Variants in S1PR3 observed in about 807,000 individuals in gnomAD.
The protein encoded by S1PR3 is sphingosine-1-phosphate receptor 3.
In S1PR3, 12 loss-of-function variants were observed where a neutral mutation model predicts 13.3. The ratio of observed to expected loss-of-function variants is 0.90; its 90% CI spans 0.58 to 1.46. The LOEUF (loss-of-function observed/expected upper bound fraction) is 1.46. S1PR3 is among the 40% of genes most tolerant of loss of function. The pLI, the probability that S1PR3 is intolerant of heterozygous loss-of-function variation, is 0.00. For synonymous variants in S1PR3, 232 were observed against 214.0 expected, an observed-to-expected ratio of 1.08 and a Z score of -0.73; for missense variants, 450 against 501.9, an observed-to-expected ratio of 0.90 and a Z score of 0.99.
intron 1 of S1PR3, chr9:88,995,167 T>C (rs1284894661): frequency 6.0e-6 from 1 of 167,082 alleles, no homozygotes; most frequent in Non-Finnish European, 1.5e-5. Context: ...GATGAACTAG[T>C]TAATTTCCCT....
intron 1 of S1PR3, chr9:88,992,233 G>C: frequency 1.7e-6 from 1 of 581,670 alleles, no homozygotes; most frequent in Non-Finnish European, 3.0e-6. Flanking sequence ...ATAACAGCTA[G>C]AGAAGGGGCT....
rs974333663 is a variant in S1PR3, at chr9:89,004,142, T to C, written c.*1805T>C. On this transcript the variant is annotated 3_prime_UTR_variant, in exon 2 of 2. Transcript: ENST00000358157. ...GGCTGGGCGCAGTGGCTCACACCTG[T>C]AATCCCAGCACTTTGGGAGGCTGAG... 1 of 157,272 alleles carries C rather than the reference T, an allele frequency of 6.4e-6. No individual in the cohort carries two copies. The highest frequency in any genetic ancestry group is 1.5e-5 in the Non-Finnish European group (1 of 68,062). The allele number at this position is 157,272 out of a possible 1,614,324, so 9.7% of individuals were successfully genotyped here.
intron 1 of S1PR3, chr9:88,992,295 T>TCTCTTC (rs1825731567): frequency 2.3e-6 from 1 of 433,546 alleles, no homozygotes; most frequent in Non-Finnish European, 4.1e-6. Context: ...TCTCTCTCTC[T>TCTCTTC]CTCTTCCTCT....
Position 89,002,459 on chromosome 9 carries a change from G to C in S1PR3, c.*122G>C. 1 of 1,193,794 alleles carries C rather than the reference G, an allele frequency of 8.4e-7. No homozygotes were observed. Among genetic ancestry groups the C allele is most frequent in the Non-Finnish European group, 1.2e-6 (1 of 850,610 alleles). The allele number at this position is 1,193,794 out of a possible 1,614,324, so 74.0% of individuals were successfully genotyped here. A position where few individuals can be genotyped will look rare whatever the true frequency, so the allele number is the denominator to read the frequency against. On this transcript the variant is annotated 3_prime_UTR_variant, in exon 2 of 2. Transcript: ENST00000358157. Reference sequence around the variant, plus strand: ...CTTACTTTGACCAACAGCCTGCCCAGTGTGGATGTCTCTTACAGAGGGGGC... The same window carrying C: ...CTTACTTTGACCAACAGCCTGCCCACTGTGGATGTCTCTTACAGAGGGGGC...
intron 1 of S1PR3, chr9:88,993,908 G>A: frequency 6.5e-6 from 1 of 153,934 alleles, no homozygotes. Flanking sequence ...ACTGGGGTCA[G>A]CTCACACAGC....
rs759550808 is a variant in S1PR3 at position 89,002,869 on chromosome 9, T to C, written c.*532T>C. On this transcript the variant is annotated 3_prime_UTR_variant, in exon 2 of 2. Transcript: ENST00000358157. ...AGACTGAACCCCCAGTACAAGGACA[T>C]TGTTTTGAACTAGGTGGACATGCCA... is the stretch of plus-strand genomic sequence containing the variant. 1 of 175,640 alleles carries C rather than the reference T, an allele frequency of 5.7e-6. No individual in the cohort carries two copies. Among genetic ancestry groups the C allele is most frequent in the Non-Finnish European group, 1.4e-5 (1 of 72,384 alleles). 10.9% of individuals were successfully genotyped at this position (175,640 alleles called of 1,614,324 possible). A position where few individuals can be genotyped will look rare whatever the true frequency, so the allele number is the denominator to read the frequency against.
chr9:88,991,299 C>A (rs1825694571), upstream of S1PR3: 19 of 1,490,902 alleles, frequency 1.3e-5, no homozygotes, highest in South Asian at 1.8e-4. This position sits in a 1 kb window ranked among gnomAD's most constrained non-coding sequence, Gnocchi z 4.0. Context: ...GGAGACCAGG[C>A]GGCTTGAGCG....
At position 89,002,666 on chromosome 9, in the gene S1PR3, C is replaced by G. The variant is rs1352922112; in HGVS notation, c.*329C>G. The G allele has an allele frequency of 1.9e-5, 7 of 370,270 alleles. No homozygotes were observed. In the South Asian group the frequency reaches 3.5e-4, roughly 19 times the overall value. The allele number at this position is 370,270 out of a possible 1,614,324, so 22.9% of individuals were successfully genotyped here. A position where few individuals can be genotyped will look rare whatever the true frequency, so the allele number is the denominator to read the frequency against. ...CCACACAATGCTGTGTGACCCTCTC[C>G]GTGTGCCTCTGAATGGTGTTTTGAT... On this transcript the variant is annotated 3_prime_UTR_variant, in exon 2 of 2. Coordinates refer to ENST00000358157, the MANE Select transcript of S1PR3 (RefSeq NM_005226.4).
chr9:89,003,892 A>G lies in S1PR3; in HGVS notation c.*1555A>G, dbSNP rs573091899. On this transcript the variant is annotated 3_prime_UTR_variant, in exon 2 of 2. Transcript: ENST00000358157. ...TTTGCTCTTATAAAGAGACATTTTC[A>G]TAGGTTCAGAGTAACTCACCTCCAT... 2 of 167,130 alleles carry G rather than the reference A, an allele frequency of 1.2e-5. No homozygotes were observed. The highest frequency in any genetic ancestry group is 1.3e-4 in the Admixed American group (2 of 15,306). The allele number at this position is 167,130 out of a possible 1,614,324, so 10.4% of individuals were successfully genotyped here. A position where few individuals can be genotyped will look rare whatever the true frequency, so the allele number is the denominator to read the frequency against.
chr9:88,991,148 C>G (rs946942025), upstream of S1PR3: 9 of 1,610,302 alleles, frequency 5.6e-6, no homozygotes, highest in Non-Finnish European at 6.8e-6. The surrounding 1 kb of genome is among the most constrained non-coding windows in gnomAD (Gnocchi z 4.0). Flanking sequence ...TCTGGGCGCC[C>G]GGTTTCTGCA....
intron 1 of S1PR3, chr9:88,997,510 C>T (rs550250959): frequency 1.3e-5 from 2 of 152,352 alleles, no homozygotes; most frequent in East Asian, 3.9e-4. Flanking sequence ...GAAACTGAGG[C>T]ACAGGAGGCA....
chr9:88,992,713 C>T (rs1825737928), intron 1 of S1PR3: 1 of 152,340 alleles, frequency 6.6e-6, no homozygotes, highest in African/African-American at 2.4e-5. Context: ...AGATACATGA[C>T]TAACAAGGAT....
intron 1 of S1PR3, 121 bp from the exon 2 acceptor site, chr9:89,000,933 G>A: frequency 2.0e-6 from 1 of 506,092 alleles, no homozygotes; most frequent in Non-Finnish European, 3.6e-6. Flanking sequence ...TCTGCAGCCT[G>A]ACGTGGCTAG....
intron 1 of S1PR3, chr9:88,997,219 AAT>A (rs1334592108): frequency 6.6e-6 from 1 of 152,212 alleles, no homozygotes; most frequent in Non-Finnish European, 1.5e-5. Flanking sequence ...TTAATGGGAA[AAT>A]ATGTTTGCCC....
Position 89,003,161 on chromosome 9 carries a change from A to C in S1PR3, c.*824A>C, listed in dbSNP as rs996646436. The C allele has an allele frequency of 1.2e-5, 2 of 167,232 alleles. No homozygotes were observed. Among genetic ancestry groups the C allele is most frequent in the East Asian group, 3.9e-4 (2 of 5,194 alleles). The allele number at this position is 167,232 out of a possible 1,614,324, so 10.4% of individuals were successfully genotyped here. A position where few individuals can be genotyped will look rare whatever the true frequency, so the allele number is the denominator to read the frequency against. On this transcript the variant is annotated 3_prime_UTR_variant, in exon 2 of 2. Transcript: ENST00000358157. ...TTGTGCCCCCAGATGGGCCAAAGAAAGAGCCTATGAAGGAGAAGCAGAAGC... is the reference window on the plus strand; with the variant it reads ...TTGTGCCCCCAGATGGGCCAAAGAACGAGCCTATGAAGGAGAAGCAGAAGC...
At chr9:88,994,023 G>C (rs979724250) in intron 1 of S1PR3, 1 of 167,074 alleles carries the variant, frequency 6.0e-6, no homozygotes, top group African/African-American at 2.4e-5. Context: ...AGTGCCCCCA[G>C]AATGACATGC....
At chr9:88,996,534 T>A (rs977720399) in intron 1 of S1PR3, 12 of 152,158 alleles carry the variant, frequency 7.9e-5, no homozygotes, top group African/African-American at 2.9e-4. Flanking sequence ...ATGGACACAA[T>A]TGTATCCTGT....
Position 89,001,144 on chromosome 9 carries a change from T to C in S1PR3, c.-57T>C, listed in dbSNP as rs1825861088. 2 of 1,574,170 alleles carry C rather than the reference T, an allele frequency of 1.3e-6. No homozygotes were observed. Among genetic ancestry groups the C allele is most frequent in the Non-Finnish European group, 1.7e-6 (2 of 1,156,576 alleles). On this transcript the variant is annotated 5_prime_UTR_variant, in exon 2 of 2. The change abolishes an upstream ATG in the 5' untranslated region. Transcript: ENST00000358157. ...CAGCCCCGCTTCCCTTTGAAATGAA[T>C]GTTCCTGGGGCGCCCTCTCGTGGAT...
Position 89,001,764 on chromosome 9 carries a change from C to T in S1PR3, c.564C>T (p.Ile188=). 1 of 1,614,246 alleles carries T rather than the reference C, an allele frequency of 6.2e-7. No homozygotes were observed. The highest frequency in any genetic ancestry group is 8.5e-7 in the Non-Finnish European group (1 of 1,180,048). The change falls in exon 2 of 2, where the codon ATC becomes ATT. Residue 188 remains isoleucine (I), a synonymous_variant. Coordinates refer to ENST00000358157, the MANE Select transcript of S1PR3 (RefSeq NM_005226.4). The stretch of plus-strand genomic sequence containing the variant: ...ACAATCTCCCTGACTGCTCTACCAT[C>T]CTGCCCCTCTACTCCAAGAAGTACA... ...CLHNLPDCST[I]LPLYSKKYIA...
Sources: allele counts gnomAD v4.1 joint callset, GRCh38; gene constraint gnomAD v4.1.1; non-coding constraint Gnocchi (gnomAD v3.1); transcripts MANE v1.5; gene names NCBI Gene and HGNC (gene_info 2026-07-23, HGNC 2026-07-21).